Variants in PPM1L observed in about 807,000 individuals in gnomAD.
PPM1L encodes protein phosphatase, Mg2+/Mn2+ dependent 1L.
PPM1L carries 13 observed loss-of-function variants against 31.4 expected under a neutral mutation model. The observed-to-expected ratio is 0.41, with a 90% confidence interval of 0.27 to 0.66. The LOEUF is 0.66. PPM1L is among the 30% of genes least tolerant of loss of function. The pLI, the probability that PPM1L is intolerant of heterozygous loss-of-function variation, is 0.29. For synonymous variants in PPM1L, 184 were observed against 175.4 expected (o/e 1.05, Z -0.39); for missense variants, 326 against 453.7 (o/e 0.72, Z 2.56).
intron 1 of PPM1L, among the ~76,000 whole-genome samples, chr3:160,856,809 C>CTA (rs1711720882): frequency 6.7e-6 from 1 of 149,920 alleles, no homozygotes; most frequent in South Asian, 2.1e-4. Flanking sequence ...ACAATAAAAG[C>CTA]TAAAAAAAAA....
At chr3:161,028,670 C>G (rs1011524128) in intron 2 of PPM1L, among the ~76,000 whole-genome samples, 2 of 152,150 alleles carry the variant, frequency 1.3e-5, no homozygotes, top group African/African-American at 4.8e-5. Flanking sequence ...AAATTACTAT[C>G]CCTCTCCTAC....
chr3:160,916,210 C>G (rs1410898580), intron 1 of PPM1L, among the ~76,000 whole-genome samples: 2 of 151,860 alleles, frequency 1.3e-5, no homozygotes, highest in Non-Finnish European at 2.9e-5. Flanking sequence ...AACAAATTTA[C>G]AAGAAAAAAA....
intron 1 of PPM1L, among the ~76,000 whole-genome samples, chr3:160,843,477 T>G (rs1713971315): frequency 7.2e-6 from 1 of 139,170 alleles, no homozygotes; most frequent in African/African-American, 2.6e-5. Flanking sequence ...TATGTTTTTT[T>G]TAATTGTACT....
intron 2 of PPM1L, among the ~76,000 whole-genome samples, chr3:161,047,042 C>T (rs1719102945): frequency 6.6e-6 from 1 of 152,148 alleles, no homozygotes; most frequent in African/African-American, 2.4e-5. Flanking sequence ...GACAGGGACA[C>T]CCTCTGTCAC....
chr3:160,963,301 T>C (rs761329217), intron 2 of PPM1L, among the ~76,000 whole-genome samples: 5 of 152,186 alleles, frequency 3.3e-5, no homozygotes, highest in Admixed American at 2.0e-4. Flanking sequence ...ATGCTTTTAC[T>C]ACACTAATGC....
intron 2 of PPM1L, among the ~76,000 whole-genome samples, chr3:161,012,894 T>A (rs1717944098): frequency 6.6e-6 from 1 of 152,194 alleles, no homozygotes; most frequent in East Asian, 1.9e-4. Flanking sequence ...TGCATCTATT[T>A]GATTCTTCTC....
intron 2 of PPM1L, among the ~76,000 whole-genome samples, chr3:161,015,159 C>T (rs574877198): frequency 1.3e-5 from 2 of 151,734 alleles, no homozygotes; most frequent in Non-Finnish European, 2.9e-5. Flanking sequence ...TCATAATACA[C>T]ATTTCTATTT....
intron 2 of PPM1L, among the ~76,000 whole-genome samples, chr3:161,053,621 C>T (rs190016397): frequency 2.5e-4 from 38 of 152,142 alleles, no homozygotes; most frequent in South Asian, 6.2e-4. Context: ...ATGAACACTC[C>T]GTCAGATTCT....
At chr3:160,957,482 G>A (rs1715811513) in intron 1 of PPM1L, among the ~76,000 whole-genome samples, 1 of 151,792 alleles carries the variant, frequency 6.6e-6, no homozygotes, top group South Asian at 2.1e-4. Context: ...TCACCACACT[G>A]TCTTCCACAA....
At chr3:160,802,524 G>A (rs925379899) in intron 1 of PPM1L, among the ~76,000 whole-genome samples, 5 of 152,192 alleles carry the variant, frequency 3.3e-5, no homozygotes, top group Non-Finnish European at 5.9e-5. Context: ...TTTATTGAGC[G>A]CCGGGCTGGG....
intron 1 of PPM1L, among the ~76,000 whole-genome samples, chr3:160,925,549 G>A (rs1045086840): frequency 6.6e-6 from 1 of 151,870 alleles, no homozygotes; most frequent in Admixed American, 6.6e-5. Flanking sequence ...TCAGGAGGCT[G>A]TTTTACTGGA....
chr3:160,993,129 A>G (rs747458221), intron 2 of PPM1L, among the ~76,000 whole-genome samples: 1 of 151,940 alleles, frequency 6.6e-6, no homozygotes, highest in Non-Finnish European at 1.5e-5. Context: ...AATTATACAC[A>G]GTGCCTGATA....
chr3:160,848,270 T>A (rs536106871), intron 1 of PPM1L, among the ~76,000 whole-genome samples: 1 of 152,316 alleles, frequency 6.6e-6, no homozygotes, highest in East Asian at 1.9e-4. Context: ...TTCTCATATA[T>A]CTTATTCCCT....
chr3:160,877,783 G>A (rs1057263395), intron 1 of PPM1L, among the ~76,000 whole-genome samples: 47 of 152,272 alleles, frequency 3.1e-4, no homozygotes, highest in Admixed American at 3.3e-4. Context: ...AACACACGAA[G>A]GAGCTGGCCA....
chr3:160,833,734 C>T (rs1392190110), intron 1 of PPM1L, among the ~76,000 whole-genome samples: 1 of 151,864 alleles, frequency 6.6e-6, no homozygotes, highest in Non-Finnish European at 1.5e-5. Context: ...TTCCTGTTTG[C>T]TCTGATGATA....
At chr3:160,783,184 C>T (rs1288116503) in intron 1 of PPM1L, among the ~76,000 whole-genome samples, 2 of 152,162 alleles carry the variant, frequency 1.3e-5, no homozygotes, top group Non-Finnish European at 2.9e-5. Flanking sequence ...AAAGTCACAT[C>T]TGTGTCTTTT....
chr3:161,063,007 A>G (rs1236180969), intron 2 of PPM1L, among the ~76,000 whole-genome samples: 3 of 152,206 alleles, frequency 2.0e-5, no homozygotes, highest in African/African-American at 7.2e-5. Flanking sequence ...AGAGTCCTAT[A>G]GAGAGAGGAC....
chr3:160,891,177 A>G (rs1005390016), intron 1 of PPM1L, among the ~76,000 whole-genome samples: 1 of 152,198 alleles, frequency 6.6e-6, no homozygotes, highest in Non-Finnish European at 1.5e-5. Context: ...CTATCATCAG[A>G]GTGAACAGGT....
At chr3:160,839,419 A>G (rs1713804593) in intron 1 of PPM1L, among the ~76,000 whole-genome samples, 1 of 152,166 alleles carries the variant, frequency 6.6e-6, no homozygotes, top group Admixed American at 6.5e-5. Context: ...GGGAAGTAAA[A>G]AAAAAGTTCT....
Sources: gnomAD v4.1 joint callset for allele counts (sites outside exome capture counted in the v4.1 genomes callset) on GRCh38, gnomAD v4.1.1 for gene constraint, MANE v1.5 for transcripts, NCBI Gene and HGNC (gene_info 2026-07-23, HGNC 2026-07-21) for gene names.